The following FAR2 variants were observed in gnomAD, a reference collection of about 807,000 sequenced individuals.
FAR2 encodes fatty acyl-CoA reductase 2.
A neutral mutation model predicts 56.0 loss-of-function variants in FAR2; 19 were observed. That is an observed-to-expected ratio of 0.34 (90% CI 0.24 to 0.50). FAR2 has a LOEUF of 0.50. Ranked by LOEUF, FAR2 falls within the 20% of genes least tolerant of loss-of-function variation. FAR2 has a pLI of 0.98. For synonymous variants in FAR2, 219 were observed against 218.8 expected (o/e 1.00, Z -0.01); for missense variants, 508 against 642.2 (o/e 0.79, Z 2.26).
At chr12:29,185,140 T>G (rs1397111016) in intron 1 of FAR2, among the ~76,000 whole-genome samples, 1 of 152,216 alleles carries the variant, frequency 6.6e-6, no homozygotes, top group Non-Finnish European at 1.5e-5. Flanking sequence ...CTATTCTAAT[T>G]TTATTTCATG....
intron 1 of FAR2, among the ~76,000 whole-genome samples, chr12:29,226,917 T>C (rs1227352856): frequency 6.6e-6 from 1 of 152,192 alleles, no homozygotes; most frequent in Non-Finnish European, 1.5e-5. Context: ...ATTTGTAAGA[T>C]GGTAAGCATA....
intron 4 of FAR2, among the ~76,000 whole-genome samples, chr12:29,304,505 T>C (rs1949224356): frequency 6.6e-6 from 1 of 152,206 alleles, no homozygotes; most frequent in Admixed American, 6.5e-5. Flanking sequence ...TAAGACAGTG[T>C]GTCCACTACT....
intron 2 of FAR2, among the ~76,000 whole-genome samples, chr12:29,288,264 A>G (rs1372391511): frequency 4.6e-5 from 7 of 152,148 alleles, no homozygotes; most frequent in Non-Finnish European, 1.0e-4. Context: ...GTTTCCTAAA[A>G]TGGATCAACA....
intron 8 of FAR2, among the ~76,000 whole-genome samples, chr12:29,314,285 A>G (rs1348055957): frequency 1.3e-5 from 2 of 152,240 alleles, no homozygotes; most frequent in South Asian, 4.1e-4. Flanking sequence ...TTAAATAGGC[A>G]TTATTCTTGG....
intron 1 of FAR2, among the ~76,000 whole-genome samples, chr12:29,245,487 G>T (rs186747337): frequency 3.3e-5 from 5 of 152,074 alleles, no homozygotes; most frequent in African/African-American, 7.2e-5. Flanking sequence ...GGCTTGGGGG[G>T]TCTCCAAATC....
At chr12:29,327,308 C>A (rs1174579050) in intron 10 of FAR2, among the ~76,000 whole-genome samples, 1 of 152,106 alleles carries the variant, frequency 6.6e-6, no homozygotes, top group Admixed American at 6.5e-5. Context: ...GAATCAATAT[C>A]GTGAAAATGG....
intron 1 of FAR2, among the ~76,000 whole-genome samples, chr12:29,255,013 T>A (rs1178996928): frequency 6.6e-6 from 1 of 152,166 alleles, no homozygotes; most frequent in Non-Finnish European, 1.5e-5. Context: ...TGTGATGCAT[T>A]ATTTGACTCA....
chr12:29,293,496 C>T, intron 3 of FAR2, 21 bp downstream of exon 3: 1 of 1,501,898 alleles, frequency 6.7e-7, no homozygotes, highest in Non-Finnish European at 8.9e-7. Flanking sequence ...ATTTCCCTCT[C>T]ATGGCTTGTA....
intron 1 of FAR2, among the ~76,000 whole-genome samples, chr12:29,154,882 A>T (rs10843333): frequency 0.11 from 16,324 of 152,196 alleles, 908 homozygotes; most frequent in East Asian, 0.16. Context: ...ATTCAGCATA[A>T]CACGCTTTGG....
intron 1 of FAR2, among the ~76,000 whole-genome samples, chr12:29,189,428 A>G (rs1481531552): frequency 6.6e-6 from 1 of 152,134 alleles, no homozygotes; most frequent in Non-Finnish European, 1.5e-5. Context: ...CTGCCACTAC[A>G]AGATGCTGTA....
chr12:29,208,703 T>C (rs1262543479), intron 1 of FAR2, among the ~76,000 whole-genome samples: 1 of 152,086 alleles, frequency 6.6e-6, no homozygotes, highest in African/African-American at 2.4e-5. Context: ...GACAAAATTA[T>C]AAAATATGAG....
At position 29,250,591 on chromosome 12, in the gene FAR2, C is replaced by T. The variant is rs144048819; in HGVS notation, c.-38-19821C>T. 3.3e-5 allele frequency among the ~76,000 whole-genome samples: 5 copies of T among 152,176 alleles called. No homozygotes were observed. In the East Asian group the frequency reaches 9.6e-4, roughly 29 times the overall value. On this transcript the variant is annotated intron_variant, in intron 1 of 11. Coordinates refer to ENST00000536681, the MANE Select transcript of FAR2 (RefSeq NM_001271783.2). ...AAATAGAATAATTTTTGAAAGATGGCATTATTTCAGTAATGAACAGTTTAG... is the reference window on the plus strand; with the variant it reads ...AAATAGAATAATTTTTGAAAGATGGTATTATTTCAGTAATGAACAGTTTAG...
At chr12:29,325,999 T>C (rs1398945870) in intron 10 of FAR2, among the ~76,000 whole-genome samples, 4 of 151,802 alleles carry the variant, frequency 2.6e-5, no homozygotes, top group Non-Finnish European at 4.4e-5. Context: ...ATTGATAGAC[T>C]GCTAGCAAGA....
chr12:29,245,760 C>A (rs893009240), intron 1 of FAR2, among the ~76,000 whole-genome samples: 7 of 152,124 alleles, frequency 4.6e-5, no homozygotes, highest in Admixed American at 2.0e-4. Context: ...ATTCTTCTAG[C>A]CTGGGATTCT....
At chr12:29,322,198 C>T (rs962251778) in intron 10 of FAR2, among the ~76,000 whole-genome samples, 5 of 152,202 alleles carry the variant, frequency 3.3e-5, no homozygotes, top group African/African-American at 1.2e-4. Context: ...ATCGTTTTGT[C>T]ACTCCTTGAT....
chr12:29,326,988 G>A (rs1489174230), intron 10 of FAR2, among the ~76,000 whole-genome samples: 1 of 152,132 alleles, frequency 6.6e-6, no homozygotes, highest in African/African-American at 2.4e-5. Context: ...TGACATGATT[G>A]TTTATCTAGA....
intron 9 of FAR2, 22 bp downstream of exon 9, chr12:29,317,034 T>C (rs1195719588): frequency 6.2e-7 from 1 of 1,603,590 alleles, no homozygotes; most frequent in African/African-American, 1.3e-5. Context: ...AGTCAATGGC[T>C]TTGAGAGTGT....
chr12:29,220,339 A>G (rs988202598), intron 1 of FAR2, among the ~76,000 whole-genome samples: 3 of 152,228 alleles, frequency 2.0e-5, no homozygotes, highest in African/African-American at 7.2e-5. Flanking sequence ...TCCATAAATC[A>G]AAAGGTATAG....
At chr12:29,255,292 C>A (rs1026421673) in intron 1 of FAR2, among the ~76,000 whole-genome samples, 1 of 152,192 alleles carries the variant, frequency 6.6e-6, no homozygotes, top group Non-Finnish European at 1.5e-5. Flanking sequence ...CTAGAGAGCT[C>A]TCTGGTGTCC....
Sources: gnomAD v4.1 joint callset for allele counts (sites outside exome capture counted in the v4.1 genomes callset) on GRCh38, gnomAD v4.1.1 for gene constraint, MANE v1.5 for transcripts, NCBI Gene and HGNC (gene_info 2026-07-23, HGNC 2026-07-21) for gene names.